Variants in CNTN4 observed in about 807,000 individuals in gnomAD.
CNTN4 encodes the protein contactin-4.
A neutral mutation model predicts 122.5 loss-of-function variants in CNTN4; 77 were observed. That is an observed-to-expected ratio of 0.63 (90% CI 0.52 to 0.76). CNTN4 has a LOEUF of 0.76. CNTN4 is among the 30% of genes least tolerant of loss of function. The pLI is 0.00. For missense variants in CNTN4, 1,256 were observed against 1,259.1 expected, an observed-to-expected ratio of 1.00 and a Z score of 0.04; for synonymous variants, 512 against 447.0, an observed-to-expected ratio of 1.15 and a Z score of -1.83.
intron 4 of CNTN4, among the ~76,000 whole-genome samples, chr3:2,586,798 C>G (rs1315444758): frequency 6.6e-6 from 1 of 152,152 alleles, no homozygotes; most frequent in African/African-American, 2.4e-5. Flanking sequence ...GTAGTGATTT[C>G]TGCTTTCCCT....
intron 3 of CNTN4, among the ~76,000 whole-genome samples, chr3:2,431,134 A>C (rs1011829138): frequency 6.6e-6 from 1 of 152,226 alleles, no homozygotes; most frequent in African/African-American, 2.4e-5. Context: ...CTTTGTTTGT[A>C]ATATGAAAAA....
intron 4 of CNTN4, among the ~76,000 whole-genome samples, chr3:2,637,391 A>T (rs2150087390): frequency 6.6e-6 from 1 of 152,192 alleles, no homozygotes; most frequent in Non-Finnish European, 1.5e-5. Flanking sequence ...ATGGCTTCCA[A>T]ATTCTGGCTT....
chr3:2,333,521 C>T (rs2043820800), intron 2 of CNTN4, among the ~76,000 whole-genome samples: 1 of 152,150 alleles, frequency 6.6e-6, no homozygotes, highest in South Asian at 2.1e-4. Context: ...CTTATTGTAC[C>T]CAATGAAAGT....
At chr3:2,260,367 A>G (rs907759575) in intron 2 of CNTN4, among the ~76,000 whole-genome samples, 1 of 151,780 alleles carries the variant, frequency 6.6e-6, no homozygotes, top group Non-Finnish European at 1.5e-5. Flanking sequence ...CTTCCAGGGG[A>G]TGTAAAATTG....
intron 14 of CNTN4, among the ~76,000 whole-genome samples, chr3:2,992,909 C>T (rs189713790): frequency 5.3e-5 from 8 of 152,248 alleles, no homozygotes; most frequent in Admixed American, 3.3e-4. Context: ...GTGCAGATCT[C>T]CTGGGCCTCA....
intron 3 of CNTN4, among the ~76,000 whole-genome samples, chr3:2,464,584 G>A (rs2075430752): frequency 6.6e-6 from 1 of 152,228 alleles, no homozygotes; most frequent in African/African-American, 2.4e-5. Flanking sequence ...AGACTCTGGT[G>A]TGGATCACAA....
intron 2 of CNTN4, among the ~76,000 whole-genome samples, chr3:2,226,042 G>A (rs1383858463): frequency 6.6e-6 from 1 of 152,110 alleles, no homozygotes; most frequent in Non-Finnish European, 1.5e-5. Flanking sequence ...TTATTTGCCA[G>A]GCTACAGTGG....
chr3:2,237,787 A>G (rs903146029), intron 2 of CNTN4, among the ~76,000 whole-genome samples: 4 of 152,194 alleles, frequency 2.6e-5, no homozygotes, highest in Non-Finnish European at 5.9e-5. Flanking sequence ...GATGAAATTT[A>G]TCCTTTAATT....
chr3:2,549,325 T>G (rs1396937484), intron 3 of CNTN4, among the ~76,000 whole-genome samples: 1 of 152,210 alleles, frequency 6.6e-6, no homozygotes, highest in Non-Finnish European at 1.5e-5. Flanking sequence ...AGTATGGTAT[T>G]GCCTGTGGGT....
chr3:2,668,907 A>G (rs2084332449), intron 4 of CNTN4, among the ~76,000 whole-genome samples: 1 of 152,164 alleles, frequency 6.6e-6, no homozygotes, highest in South Asian at 2.1e-4. Flanking sequence ...TGATTTGCAT[A>G]TGTTGAACCA....
At chr3:2,708,055 G>A (rs2086848453) in intron 4 of CNTN4, among the ~76,000 whole-genome samples, 2 of 151,928 alleles carry the variant, frequency 1.3e-5, no homozygotes, top group Non-Finnish European at 2.9e-5. Context: ...TGGTTCTTTT[G>A]GATGCTGAGA....
chr3:2,651,091 A>G (rs1391423026), intron 4 of CNTN4, among the ~76,000 whole-genome samples: 3 of 152,186 alleles, frequency 2.0e-5, no homozygotes, highest in African/African-American at 7.2e-5. Flanking sequence ...TTTATATGTC[A>G]AAAAGACTGT....
At chr3:2,537,017 T>C (rs1267339681) in intron 3 of CNTN4, among the ~76,000 whole-genome samples, 2 of 152,224 alleles carry the variant, frequency 1.3e-5, no homozygotes, top group Middle Eastern at 3.4e-3. Flanking sequence ...GTGCCTAATA[T>C]ATGAGTAGTA....
intron 4 of CNTN4, among the ~76,000 whole-genome samples, chr3:2,609,718 C>T (rs1210279886): frequency 1.3e-5 from 2 of 152,044 alleles, no homozygotes; most frequent in African/African-American, 2.4e-5. Context: ...TGCTATGAAA[C>T]GTCTTTCTAG....
rs2727923 is a variant in CNTN4 at position 2,146,687 on chromosome 3, G to C, written c.-145+46048G>C. On this transcript the variant is annotated intron_variant, in intron 2 of 24. Transcript: ENST00000418658. ...CAAATGTAGTGTGGTGGGAAAGAAA[G>C]ATGATATGACTCTTCAGACAGAGAG... 2.0e-3 allele frequency among the ~76,000 whole-genome samples: 306 copies of C among 152,266 alleles called. 2 individuals are homozygous for C. Among genetic ancestry groups the C allele is most frequent in the Middle Eastern group, 6.8e-3 (2 of 294 alleles).
rs373609313 is a variant in CNTN4, at chr3:2,740,741, G to C, written c.182+4400G>C. 2.0e-4 allele frequency among the ~76,000 whole-genome samples: 30 copies of C among 152,140 alleles called. No homozygotes were observed. In the South Asian group the frequency reaches 3.1e-3, roughly 16 times the overall value. On this transcript the variant is annotated intron_variant, in intron 5 of 24. Transcript: ENST00000418658. The stretch of plus-strand genomic sequence containing the variant: ...AGGAGAGACTGGAGTCATCAGGTAG[G>C]GTTCTCAGAAGAAATGGGATATGAA...
At chr3:2,896,057 A>T (rs961387604) in intron 10 of CNTN4, among the ~76,000 whole-genome samples, 6 of 151,762 alleles carry the variant, frequency 4.0e-5, no homozygotes, top group Non-Finnish European at 8.8e-5. Flanking sequence ...AATAAAAATC[A>T]AATCAAATCA....
chr3:2,362,016 A>G (rs1490225708), intron 3 of CNTN4, among the ~76,000 whole-genome samples: 1 of 152,222 alleles, frequency 6.6e-6, no homozygotes, highest in African/African-American at 2.4e-5. Flanking sequence ...TTAAGTAGAA[A>G]AAAGGAGGTG....
chr3:2,517,354 G>T (rs543152690), intron 3 of CNTN4, among the ~76,000 whole-genome samples: 5 of 152,220 alleles, frequency 3.3e-5, no homozygotes, highest in South Asian at 2.1e-4. Flanking sequence ...TTTACAGGCT[G>T]CCAGTAAATT....
Sources: gnomAD v4.1 joint callset for allele counts (sites outside exome capture counted in the v4.1 genomes callset) on GRCh38, gnomAD v4.1.1 for gene constraint, MANE v1.5 for transcripts, NCBI Gene and HGNC (gene_info 2026-07-23, HGNC 2026-07-21) for gene names.